FBXL17: variants seen among roughly 807,000 people sequenced by gnomAD.
FBXL17 encodes the protein F-box/LRR-repeat protein 17.
Under a neutral mutation model 66.2 loss-of-function variants are expected in FBXL17, and 22 were observed. That is an observed-to-expected ratio of 0.33 (90% CI 0.24 to 0.47). The LOEUF (loss-of-function observed/expected upper bound fraction) is 0.47. Ranked by LOEUF, FBXL17 falls within the 20% of genes least tolerant of loss-of-function variation. The pLI is 1.00. For synonymous variants in FBXL17, 474 were observed against 400.5 expected, an observed-to-expected ratio of 1.18 and a Z score of -2.19; for missense variants, 878 against 948.2, an observed-to-expected ratio of 0.93 and a Z score of 0.97.
At chr5:108,300,246 GA>G (rs1349966600) in intron 4 of FBXL17, among the ~76,000 whole-genome samples, 1 of 151,682 alleles carries the variant, frequency 6.6e-6, no homozygotes, top group African/African-American at 2.4e-5. Flanking sequence ...TAGCATCGAG[GA>G]AAAAAATATG....
At position 108,381,034 on chromosome 5, in the gene FBXL17, A is replaced by AGCCCCCGCCGCC. The variant is rs1185148106; in HGVS notation, c.646_657dup (p.Gly216_Gly219dup). ...CCACCGCCGCCGCCGCCGCCGCCGCAGCCCCCGCCGCCGCAGCGGGGCTGC... is the reference window on the plus strand; with the variant it reads ...CCACCGCCGCCGCCGCCGCCGCCGCAGCCCCCGCCGCCGCCCCCGCCGCCGCAGCGGGGCTGC... On this transcript the variant is annotated inframe_insertion, in exon 1 of 9. Coordinates refer to ENST00000542267, the MANE Select transcript of FBXL17 (RefSeq NM_001163315.3). The AGCCCCCGCCGCC allele has an allele frequency of 8.4e-7, 1 of 1,188,502 alleles. No individual in the cohort carries two copies. Among genetic ancestry groups the AGCCCCCGCCGCC allele is most frequent in the Non-Finnish European group, 1.0e-6 (1 of 960,462 alleles). The allele number at this position is 1,188,502 out of a possible 1,614,324, so 73.6% of individuals were successfully genotyped here. A position where few individuals can be genotyped will look rare whatever the true frequency, so the allele number is the denominator to read the frequency against.
intron 6 of FBXL17, 146 bp from the exon 7 acceptor site, chr5:108,021,147 A>C (rs1169298746): frequency 1.8e-5 from 10 of 558,916 alleles, no homozygotes. Flanking sequence ...CCTGCTTTAA[A>C]GTCAAGTGCT....
intron 4 of FBXL17, among the ~76,000 whole-genome samples, chr5:108,274,988 G>A (rs983576828): frequency 2.0e-5 from 3 of 152,116 alleles, no homozygotes; most frequent in African/African-American, 7.2e-5. Context: ...TCCACAAAAA[G>A]GAAGTGACCA....
In FBXL17 at chr5:107,894,945, CAG is replaced by C. The variant is rs1749323951; in HGVS notation, c.1823-13768_1823-13767del. Among the ~76,000 whole-genome samples, 3 of 152,158 alleles carry C rather than the reference CAG, an allele frequency of 2.0e-5. No homozygotes were observed. In the South Asian group the frequency reaches 6.2e-4, roughly 32 times the overall value. On this transcript the variant is annotated intron_variant, in intron 7 of 8. Coordinates refer to ENST00000542267, the MANE Select transcript of FBXL17 (RefSeq NM_001163315.3). Reference sequence around the variant, plus strand: ...AAAAATTCTGCACTTTAAATTCAGACAGAATCTCTTAGGAATCAGTTCTAGGA... The same window carrying C: ...AAAAATTCTGCACTTTAAATTCAGACAATCTCTTAGGAATCAGTTCTAGGA...
intron 6 of FBXL17, among the ~76,000 whole-genome samples, chr5:108,179,304 A>C (rs1245730077): frequency 6.6e-6 from 1 of 152,126 alleles, no homozygotes; most frequent in Non-Finnish European, 1.5e-5. Flanking sequence ...GAGTTAGAAA[A>C]ATCTTTATAT....
At chr5:108,189,646 G>A (rs1753386351) in intron 5 of FBXL17, among the ~76,000 whole-genome samples, 1 of 152,174 alleles carries the variant, frequency 6.6e-6, no homozygotes. Context: ...ACAGCAAAGA[G>A]ATTTAGCAGC....
intron 7 of FBXL17, among the ~76,000 whole-genome samples, chr5:107,922,405 T>C (rs754170175): frequency 6.6e-6 from 1 of 152,292 alleles, no homozygotes. Context: ...GTTGAGTCTA[T>C]GCAAGGATCT....
chr5:108,229,025 C>G (rs2150082720), intron 4 of FBXL17, among the ~76,000 whole-genome samples: 1 of 152,250 alleles, frequency 6.6e-6, no homozygotes, highest in Non-Finnish European at 1.5e-5. Flanking sequence ...AAGTGTAGTT[C>G]TCATTCCAGC....
intron 3 of FBXL17, among the ~76,000 whole-genome samples, chr5:108,364,240 T>C (rs374048576): frequency 1.3e-5 from 2 of 152,052 alleles, no homozygotes; most frequent in South Asian, 4.1e-4. Context: ...GGAAGTATAA[T>C]AAACAGAAGG....
chr5:108,328,774 A>G (rs2150232964), intron 4 of FBXL17, among the ~76,000 whole-genome samples: 1 of 152,128 alleles, frequency 6.6e-6, no homozygotes, highest in Non-Finnish European at 1.5e-5. Context: ...AAATCAACCC[A>G]AGTATATACT....
intron 4 of FBXL17, among the ~76,000 whole-genome samples, chr5:108,322,214 A>C (rs1290643702): frequency 6.6e-6 from 1 of 151,850 alleles, no homozygotes; most frequent in Non-Finnish European, 1.5e-5. Context: ...CTACAAATAC[A>C]CCTAAATTTG....
At chr5:107,986,780 T>C (rs1048202772) in intron 7 of FBXL17, among the ~76,000 whole-genome samples, 1 of 152,010 alleles carries the variant, frequency 6.6e-6, no homozygotes, top group Non-Finnish European at 1.5e-5. Flanking sequence ...TACAACCCTA[T>C]TTATAATGAC....
intron 7 of FBXL17, among the ~76,000 whole-genome samples, chr5:107,999,497 T>C (rs954078888): frequency 5.2e-5 from 7 of 134,170 alleles, no homozygotes; most frequent in Non-Finnish European, 9.7e-5. Context: ...CACACACACA[T>C]ACAAATTTTT....
At chr5:107,989,380 G>T (rs1363065602) in intron 7 of FBXL17, among the ~76,000 whole-genome samples, 3 of 152,010 alleles carry the variant, frequency 2.0e-5, no homozygotes, top group East Asian at 1.9e-4. Flanking sequence ...GTAAGATCAT[G>T]TGATATTTGT....
intron 7 of FBXL17, among the ~76,000 whole-genome samples, chr5:107,993,021 G>A (rs996657661): frequency 4.0e-5 from 6 of 151,816 alleles, no homozygotes; most frequent in South Asian, 2.1e-4. Context: ...TTAGCCTCCC[G>A]AGTAGCTGGG....
At chr5:108,365,701 A>G (rs1178613168) in intron 2 of FBXL17, among the ~76,000 whole-genome samples, 1 of 152,092 alleles carries the variant, frequency 6.6e-6, no homozygotes, top group African/African-American at 2.4e-5. Context: ...CTTGCAACTG[A>G]TATCTGAAGT....
At chr5:108,325,115 G>T (rs1173500745) in intron 4 of FBXL17, among the ~76,000 whole-genome samples, 1 of 151,902 alleles carries the variant, frequency 6.6e-6, no homozygotes, top group Non-Finnish European at 1.5e-5. Flanking sequence ...TTTGGAGACT[G>T]GTTACACAAC....
At chr5:108,351,270 G>C (rs1351869770) in intron 3 of FBXL17, among the ~76,000 whole-genome samples, 1 of 152,112 alleles carries the variant, frequency 6.6e-6, no homozygotes, top group Non-Finnish European at 1.5e-5. Context: ...GAGAGGATAA[G>C]ACACAGGGAA....
At chr5:108,147,229 T>C (rs913910619) in intron 6 of FBXL17, among the ~76,000 whole-genome samples, 4 of 152,158 alleles carry the variant, frequency 2.6e-5, no homozygotes, top group Non-Finnish European at 4.4e-5. Context: ...TTTCCCAACA[T>C]CCAGCATAAA....
Sources: gnomAD v4.1 joint callset for allele counts (sites outside exome capture counted in the v4.1 genomes callset) on GRCh38, gnomAD v4.1.1 for gene constraint, MANE v1.5 for transcripts, NCBI Gene and HGNC (gene_info 2026-07-23, HGNC 2026-07-21) for gene names.